PIWIL1: variants seen among roughly 807,000 people sequenced by gnomAD.
The protein encoded by PIWIL1 is piwi-like protein 1.
A neutral mutation model predicts 114.4 loss-of-function variants in PIWIL1; 73 were observed. The observed-to-expected ratio is 0.64, with a 90% CI of 0.53 to 0.78. The LOEUF (loss-of-function observed/expected upper bound fraction) is 0.78, where lower values mean the gene tolerates loss of function less well. PIWIL1 is among the 30% of genes least tolerant of loss of function. The pLI, the probability that PIWIL1 is intolerant of heterozygous loss-of-function variation, is 0.00. For missense variants in PIWIL1, 723 were observed against 1,063.1 expected, an observed-to-expected ratio of 0.68 and a Z score of 4.45; for synonymous variants, 375 against 369.0, an observed-to-expected ratio of 1.02 and a Z score of -0.19.
intron 8 of PIWIL1, 86 bp downstream of exon 8, chr12:130,349,522 T>G: frequency 1.1e-6 from 1 of 908,724 alleles, no homozygotes; most frequent in South Asian, 1.6e-5. Flanking sequence ...AGAAATAGTG[T>G]TTAAAATTGA....
intron 18 of PIWIL1, among the ~76,000 whole-genome samples, chr12:130,364,175 A>G (rs896291253): frequency 6.6e-6 from 1 of 152,248 alleles, no homozygotes; most frequent in African/African-American, 2.4e-5. Context: ...AGTGCATAAT[A>G]CATTACAGAT....
intron 3 of PIWIL1, 46 bp downstream of exon 3, chr12:130,343,147 T>C (rs939206424): frequency 2.3e-6 from 3 of 1,310,166 alleles, no homozygotes; most frequent in Non-Finnish European, 3.2e-6. Context: ...GTTCAACATA[T>C]ACAGCAAATT....
At chr12:130,346,798 CTT>C (rs1424940035) in intron 5 of PIWIL1, 141 bp from the exon 6 acceptor site, 19 of 1,093,712 alleles carry the variant, frequency 1.7e-5, no homozygotes, top group South Asian at 4.9e-5. Context: ...CTTAGCCACT[CTT>C]TTTCTCAGAG....
At chr12:130,411,766 T>C in the PIWIL1 span, among the ~76,000 whole-genome samples, 1 of 152,320 alleles carries the variant, frequency 6.6e-6, no homozygotes, top group South Asian at 2.1e-4. Flanking sequence ...ATATTCACAC[T>C]AAACTTCGAC....
chr12:130,421,687 T>TTGTGTGTGTGTG, the PIWIL1 span, among the ~76,000 whole-genome samples: 1 of 112,222 alleles, frequency 8.9e-6, no homozygotes, highest in Non-Finnish European at 1.7e-5. Context: ...CTCCCTGCAT[T>TTGTGTGTGTGTG]TATATGTGTG....
At chr12:130,405,049 T>C in the PIWIL1 span, among the ~76,000 whole-genome samples, 6 of 152,328 alleles carry the variant, frequency 3.9e-5, no homozygotes, top group South Asian at 8.3e-4. Flanking sequence ...GAGATTTACA[T>C]GTGGAAAGTG....
the PIWIL1 span, among the ~76,000 whole-genome samples, chr12:130,413,869 C>T: frequency 0.44 from 66,559 of 151,866 alleles, 14,780 homozygotes; most frequent in South Asian, 0.53. Context: ...CAACGTAGGC[C>T]CTAATAGAAT....
In PIWIL1 at chr12:130,337,900, T is replaced by TGGCGTACAGACACGAGGCC. The variant is rs2072752106; in HGVS notation, c.-254_-236dup. On this transcript the variant is annotated 5_prime_UTR_variant, in exon 1 of 21. The change abolishes the stop of an existing upstream ORF in the 5' untranslated region. Transcript: ENST00000245255. Reference sequence around the variant, plus strand: ...CCGCTTTCCGCCGTTACTGGGCGTATGGCGTACAGACACGAGGCCGGCGCC... The same window carrying TGGCGTACAGACACGAGGCC: ...CCGCTTTCCGCCGTTACTGGGCGTATGGCGTACAGACACGAGGCCGGCGTACAGACACGAGGCCGGCGCC... 1 of 156,018 alleles carries TGGCGTACAGACACGAGGCC rather than the reference T, an allele frequency of 6.4e-6. No homozygotes were observed. The highest frequency in any genetic ancestry group is 1.9e-4 in the South Asian group (1 of 5,316). The allele number at this position is 156,018 out of a possible 1,614,324, so 9.7% of individuals were successfully genotyped here. A position where few individuals can be genotyped will look rare whatever the true frequency, so the allele number is the denominator to read the frequency against.
chr12:130,394,926 T>C, the PIWIL1 span, among the ~76,000 whole-genome samples: 1 of 152,174 alleles, frequency 6.6e-6, no homozygotes, highest in African/African-American at 2.4e-5. Context: ...TATAGTTGTT[T>C]GTTGTTCAAT....
chr12:130,345,589 TCG>T, intron 3 of PIWIL1, 162 bp from the exon 4 acceptor site: 1 of 664,976 alleles, frequency 1.5e-6, no homozygotes, highest in Non-Finnish European at 2.5e-6. Context: ...AACCATTCTC[TCG>T]TTAGGCTGGC....
chr12:130,374,569 C>T (rs2073852416), downstream of PIWIL1, among the ~76,000 whole-genome samples: 1 of 152,162 alleles, frequency 6.6e-6, no homozygotes. Context: ...ATGGCCTCTA[C>T]ACTCTGAGTT....
the PIWIL1 span, among the ~76,000 whole-genome samples, chr12:130,410,970 G>A: frequency 6.6e-6 from 1 of 152,126 alleles, no homozygotes; most frequent in African/African-American, 2.4e-5. Context: ...CCAATATTAA[G>A]TCCATGAATA....
the PIWIL1 span, chr12:130,397,575 T>TTGAG: frequency 2.5e-6 from 1 of 398,872 alleles, no homozygotes; most frequent in East Asian, 3.6e-5. Context: ...TTACAGTTTA[T>TTGAG]TGAGTGTGTG....
the PIWIL1 span, among the ~76,000 whole-genome samples, chr12:130,391,553 A>C: frequency 6.6e-6 from 1 of 152,200 alleles, no homozygotes; most frequent in African/African-American, 2.4e-5. Flanking sequence ...AAGCTTTATT[A>C]TTTTCAATTT....
At chr12:130,379,034 A>C in the PIWIL1 span, among the ~76,000 whole-genome samples, 1 of 152,222 alleles carries the variant, frequency 6.6e-6, no homozygotes, top group Non-Finnish European at 1.5e-5. Flanking sequence ...TGCATGGTTG[A>C]AAATGTAATT....
At chr12:130,414,219 A>G in the PIWIL1 span, 1 of 1,614,184 alleles carries the variant, frequency 6.2e-7, no homozygotes, top group Admixed American at 1.7e-5. Context: ...GAGAGCCACA[A>G]AGATCCGGGC....
chr12:130,394,020 G>A, the PIWIL1 span, among the ~76,000 whole-genome samples: 3 of 152,142 alleles, frequency 2.0e-5, no homozygotes, highest in Admixed American at 1.3e-4. Context: ...TGACGTCTTT[G>A]GGGTAAGGTT....
chr12:130,384,703 G>C, the PIWIL1 span, among the ~76,000 whole-genome samples: 1 of 152,062 alleles, frequency 6.6e-6, no homozygotes, highest in Non-Finnish European at 1.5e-5. Flanking sequence ...TCAAACTATT[G>C]TATGTTTTCA....
At chr12:130,407,661 G>C in the PIWIL1 span, 1 of 1,277,900 alleles carries the variant, frequency 7.8e-7, no homozygotes, top group Non-Finnish European at 1.1e-6. Flanking sequence ...CCTCAGTGTG[G>C]TGTACCACGA....
Sources: allele counts gnomAD v4.1 joint callset (sites outside exome capture counted in the v4.1 genomes callset), GRCh38; gene constraint gnomAD v4.1.1; transcripts MANE v1.5; gene names NCBI Gene and HGNC (gene_info 2026-07-23, HGNC 2026-07-21).